GRID1: variants seen among roughly 807,000 people sequenced by gnomAD.
GRID1 encodes glutamate ionotropic receptor delta type subunit 1.
In GRID1, 28 loss-of-function variants were observed where a neutral mutation model predicts 98.0. The ratio of observed to expected loss-of-function variants is 0.29; its 90% CI spans 0.21 to 0.39. The LOEUF is 0.39. GRID1 is among the 10% of genes least tolerant of loss of function. The pLI, the probability that GRID1 is intolerant of heterozygous loss-of-function variation, is 1.00. For synonymous variants in GRID1, 553 were observed against 538.5 expected, an observed-to-expected ratio of 1.03 and a Z score of -0.37; for missense variants, 1,111 against 1,340.5, an observed-to-expected ratio of 0.83 and a Z score of 2.67.
intron 8 of GRID1, among the ~76,000 whole-genome samples, chr10:85,821,112 A>G (rs1842765562): frequency 6.6e-6 from 1 of 152,112 alleles, no homozygotes; most frequent in Non-Finnish European, 1.5e-5. Flanking sequence ...ACAAACATTA[A>G]CAGTGTAGAT....
chr10:86,167,530 A>G (rs985198005), intron 3 of GRID1, among the ~76,000 whole-genome samples: 1 of 152,230 alleles, frequency 6.6e-6, no homozygotes, highest in African/African-American at 2.4e-5. Context: ...CTGTGGGGAC[A>G]GTGGTTGCTG....
At chr10:86,257,300 C>T (rs1846936020) in intron 2 of GRID1, among the ~76,000 whole-genome samples, 1 of 152,200 alleles carries the variant, frequency 6.6e-6, no homozygotes, top group South Asian at 2.1e-4. Context: ...GACCTGTCTG[C>T]TCAACAGTTT....
At position 85,794,144 on chromosome 10, in the gene GRID1, A is replaced by C. The variant is rs529669745; in HGVS notation, c.1233+60352T>G. On this transcript the variant is annotated intron_variant, in intron 8 of 15. Coordinates refer to ENST00000327946, the MANE Select transcript of GRID1 (RefSeq NM_017551.3). ...TCTGTCAGAACAGGTGTTTCAATGG[A>C]TTGTTTTTACCCAAATGAAGGCTGT... 3.3e-5 allele frequency among the ~76,000 whole-genome samples: 5 copies of C among 152,252 alleles called. No homozygotes were observed. The South Asian group carries it at 1.0e-3, about 32-fold the overall frequency.
At chr10:86,295,086 A>G (rs955260758) in intron 2 of GRID1, among the ~76,000 whole-genome samples, 5 of 152,236 alleles carry the variant, frequency 3.3e-5, no homozygotes, top group African/African-American at 1.2e-4. Flanking sequence ...CAGTGCGCAC[A>G]GGAGCAATGG....
rs764580866 is a variant in GRID1 at position 85,854,514 on chromosome 10, A to G, written c.1215T>C (p.Phe405=). 1.9e-6 allele frequency: 3 copies of G among 1,613,880 alleles called. No homozygotes were observed. Among genetic ancestry groups the G allele is most frequent in the South Asian group, 2.2e-5 (2 of 91,078 alleles). The change falls in exon 8 of 16, where the codon TTT becomes TTC. Residue 405 remains phenylalanine (F), a synonymous_variant. Transcript: ENST00000327946. ...EILGTTYSET[F]GKDMRKLATW... ...GGCTTACCTTGCGCATGTCTTTGCC[A>G]AAAGTCTCACTATAGGTAGTGCCAA...
chr10:85,842,308 G>A (rs1430195710), intron 8 of GRID1, among the ~76,000 whole-genome samples: 4 of 152,002 alleles, frequency 2.6e-5, no homozygotes, highest in African/African-American at 4.8e-5. Flanking sequence ...ACACACTGAG[G>A]CCTATTGGAG....
At chr10:85,706,526 G>A (rs1404707424) in intron 12 of GRID1, among the ~76,000 whole-genome samples, 1 of 152,094 alleles carries the variant, frequency 6.6e-6, no homozygotes, top group Non-Finnish European at 1.5e-5. Context: ...CGTGAAAATG[G>A]CCATACTGCC....
intron 4 of GRID1, among the ~76,000 whole-genome samples, chr10:85,934,651 C>A (rs77671113): frequency 0.078 from 11,881 of 152,252 alleles, 521 homozygotes; most frequent in Middle Eastern, 0.14. Context: ...AATTTGTCTT[C>A]TTTCCTAATC....
intron 2 of GRID1, among the ~76,000 whole-genome samples, chr10:86,274,266 C>T (rs1311843454): frequency 6.6e-6 from 1 of 152,020 alleles, no homozygotes; most frequent in Non-Finnish European, 1.5e-5. Flanking sequence ...TGTTCCAGAT[C>T]TGTATCTCTG....
At chr10:86,280,639 T>C (rs1847343381) in intron 2 of GRID1, among the ~76,000 whole-genome samples, 1 of 152,196 alleles carries the variant, frequency 6.6e-6, no homozygotes, top group Non-Finnish European at 1.5e-5. Context: ...TGCCTTTCCC[T>C]ATGGAATCAA....
chr10:85,738,681 A>G (rs1841910689), intron 8 of GRID1, among the ~76,000 whole-genome samples: 1 of 152,234 alleles, frequency 6.6e-6, no homozygotes, highest in African/African-American at 2.4e-5. Flanking sequence ...GCAACAAGCA[A>G]CTGACACACA....
At chr10:86,116,158 G>T (rs1042462200) in intron 4 of GRID1, among the ~76,000 whole-genome samples, 3 of 152,152 alleles carry the variant, frequency 2.0e-5, no homozygotes, top group Non-Finnish European at 4.4e-5. Context: ...TAAGTGATGC[G>T]TGACTGTATG....
rs918309326 is a variant in GRID1, at chr10:85,676,394, C to T, written c.1998-28997G>A. On this transcript the variant is annotated intron_variant, in intron 12 of 15. Transcript: ENST00000327946. ...GGCCACTTGGAATCCAGAGTTCTTG[C>T]GGGATCAGGCTGGAGCTAGTTTCCA... 3.3e-5 allele frequency among the ~76,000 whole-genome samples: 5 copies of T among 152,180 alleles called. No individual in the cohort carries two copies. In the South Asian group the frequency reaches 8.3e-4, roughly 25 times the overall value.
intron 12 of GRID1, among the ~76,000 whole-genome samples, chr10:85,690,080 T>C (rs951577046): frequency 2.0e-5 from 3 of 152,168 alleles, no homozygotes; most frequent in Non-Finnish European, 4.4e-5. Flanking sequence ...CATTATCTTA[T>C]GGAGAAAGGT....
chr10:85,792,587 C>A (rs997048572), intron 8 of GRID1, among the ~76,000 whole-genome samples: 4 of 152,148 alleles, frequency 2.6e-5, no homozygotes, highest in African/African-American at 9.7e-5. Flanking sequence ...CCTCAGGATC[C>A]TGGTCTCTCT....
chr10:86,154,606 T>C, intron 3 of GRID1, among the ~76,000 whole-genome samples: 1 of 152,144 alleles, frequency 6.6e-6, no homozygotes, highest in Non-Finnish European at 1.5e-5. Flanking sequence ...CACCACTGCA[T>C]ACTCCCAGGT....
intron 8 of GRID1, among the ~76,000 whole-genome samples, chr10:85,819,940 AGG>A (rs1842747673): frequency 6.7e-6 from 1 of 148,810 alleles, no homozygotes; most frequent in African/African-American, 2.5e-5. Flanking sequence ...AGAGAGAGAG[AGG>A]GAGGGAGGAA....
At chr10:86,227,427 T>C (rs1017456011) in intron 2 of GRID1, among the ~76,000 whole-genome samples, 3 of 152,130 alleles carry the variant, frequency 2.0e-5, no homozygotes, top group Non-Finnish European at 2.9e-5. Context: ...GGTCTTTTCA[T>C]TTTCCTGCCT....
At position 85,852,714 on chromosome 10, in the gene GRID1, A is replaced by G. The variant is rs372980498; in HGVS notation, c.1233+1782T>C. Reference sequence around the variant, plus strand: ...CCCTCCTTACCTGGTGGGAGTCCCAATGCAAGCCCATATCTCTTGTGGTCA... The same window carrying G: ...CCCTCCTTACCTGGTGGGAGTCCCAGTGCAAGCCCATATCTCTTGTGGTCA... On this transcript the variant is annotated intron_variant, in intron 8 of 15. Coordinates refer to ENST00000327946, the MANE Select transcript of GRID1 (RefSeq NM_017551.3). 3.0e-4 allele frequency among the ~76,000 whole-genome samples: 45 copies of G among 152,234 alleles called. 1 individual carries two copies. The East Asian group carries it at 5.2e-3, about 18-fold the overall frequency.
Sources: allele counts gnomAD v4.1 joint callset (sites outside exome capture counted in the v4.1 genomes callset), GRCh38; gene constraint gnomAD v4.1.1; transcripts MANE v1.5; gene names NCBI Gene and HGNC (gene_info 2026-07-23, HGNC 2026-07-21).